The following PDE4D variants were observed in gnomAD, a reference collection of about 807,000 sequenced individuals.
PDE4D encodes the protein phosphodiesterase 4D.
Under a neutral mutation model 87.4 loss-of-function variants are expected in PDE4D, and 24 were observed. The ratio of observed to expected loss-of-function variants is 0.27; its 90% CI spans 0.20 to 0.39. The LOEUF (loss-of-function observed/expected upper bound fraction) is 0.39. Ranked by LOEUF, PDE4D falls within the 10% of genes least tolerant of loss-of-function variation. PDE4D has a pLI of 1.00. For missense variants in PDE4D, 714 were observed against 1,041.0 expected (o/e 0.69, Z 4.32); for synonymous variants, 384 against 383.2 (o/e 1.00, Z -0.02).
intron 5 of PDE4D, among the ~76,000 whole-genome samples, chr5:59,058,594 T>C (rs1040367352): frequency 3.6e-4 from 55 of 152,102 alleles, no homozygotes; most frequent in African/African-American, 1.3e-3. Context: ...ACACCCTACT[T>C]ATGAGAGGGT....
intron 1 of PDE4D, among the ~76,000 whole-genome samples, chr5:59,334,247 GTTTTTT>G (rs564248041): frequency 1.0e-5 from 1 of 98,636 alleles, no homozygotes; most frequent in Non-Finnish European, 1.9e-5. Context: ...ATCCAGTGGA[GTTTTTT>G]TTTTTTTTTT....
At chr5:59,330,756 G>C (rs1401095607) in intron 1 of PDE4D, among the ~76,000 whole-genome samples, 3 of 152,048 alleles carry the variant, frequency 2.0e-5, no homozygotes, top group Admixed American at 6.6e-5. Flanking sequence ...GAACAATTTG[G>C]TTATGTTGTT....
chr5:60,465,898 A>C (rs905426880), intron 1 of PDE4D, among the ~76,000 whole-genome samples: 1 of 152,104 alleles, frequency 6.6e-6, no homozygotes, highest in Non-Finnish European at 1.5e-5. Flanking sequence ...AAAAAAAAGA[A>C]AAGGAAGAGC....
intron 1 of PDE4D, among the ~76,000 whole-genome samples, chr5:59,455,258 T>C (rs2153643006): frequency 6.6e-6 from 1 of 152,324 alleles, no homozygotes; most frequent in Admixed American, 6.5e-5. Flanking sequence ...AATGGTTTCA[T>C]GGGTCAGGCC....
chr5:60,123,898 C>G (rs1200379826), intron 2 of PDE4D, among the ~76,000 whole-genome samples: 1 of 151,948 alleles, frequency 6.6e-6, no homozygotes, highest in Non-Finnish European at 1.5e-5. Flanking sequence ...TAAACAATTA[C>G]CCCACAACCA....
intron 1 of PDE4D, among the ~76,000 whole-genome samples, chr5:60,398,001 C>A (rs1267184867): frequency 6.6e-6 from 1 of 152,152 alleles, no homozygotes; most frequent in African/African-American, 2.4e-5. Context: ...CTGGAATGGA[C>A]AAGATTTCTC....
intron 5 of PDE4D, among the ~76,000 whole-genome samples, chr5:59,171,210 T>A (rs1393000667): frequency 2.0e-5 from 3 of 152,082 alleles, no homozygotes; most frequent in Non-Finnish European, 4.4e-5. Context: ...TTGTTCATCC[T>A]CAGTCTCTGC....
chr5:60,011,174 A>T (rs1464121768), intron 2 of PDE4D, among the ~76,000 whole-genome samples: 2 of 152,176 alleles, frequency 1.3e-5, no homozygotes, highest in Admixed American at 1.3e-4. Flanking sequence ...GTCATTTTTC[A>T]TAGAGAATTT....
chr5:59,884,759 T>C (rs1218097352), intron 1 of PDE4D, among the ~76,000 whole-genome samples: 3 of 152,042 alleles, frequency 2.0e-5, no homozygotes, highest in Non-Finnish European at 2.9e-5. Context: ...TTTCCTGATA[T>C]ATTGTTCACT....
intron 3 of PDE4D, among the ~76,000 whole-genome samples, chr5:59,966,016 G>T (rs1760002870): frequency 1.3e-5 from 2 of 152,142 alleles, no homozygotes; most frequent in Non-Finnish European, 2.9e-5. Flanking sequence ...TTCCCATCCA[G>T]GTAGCAAGGT....
chr5:60,162,032 C>A (rs1481959139), intron 2 of PDE4D, among the ~76,000 whole-genome samples: 1 of 152,124 alleles, frequency 6.6e-6, no homozygotes, highest in Admixed American at 6.5e-5. Flanking sequence ...TAACTAAATT[C>A]TTCCAATCTT....
At chr5:59,564,515 C>T (rs986418404) in intron 1 of PDE4D, among the ~76,000 whole-genome samples, 3 of 152,126 alleles carry the variant, frequency 2.0e-5, no homozygotes, top group East Asian at 1.9e-4. Context: ...AAGAGACACC[C>T]GGATGGGGAA....
At chr5:59,000,789 A>G (rs2153353141) in intron 6 of PDE4D, among the ~76,000 whole-genome samples, 1 of 152,226 alleles carries the variant, frequency 6.6e-6, no homozygotes, top group African/African-American at 2.4e-5. Flanking sequence ...CCCGGGTTCA[A>G]GCGATTCTCC....
At chr5:59,135,171 CTGA>C (rs1227019483) in intron 5 of PDE4D, among the ~76,000 whole-genome samples, 1 of 152,222 alleles carries the variant, frequency 6.6e-6, no homozygotes, top group African/African-American at 2.4e-5. Flanking sequence ...TGCCCTTACT[CTGA>C]AGGCTGGTGG....
chr5:59,171,548 G>A (rs1052702799), intron 5 of PDE4D, among the ~76,000 whole-genome samples: 2 of 151,960 alleles, frequency 1.3e-5, no homozygotes, highest in African/African-American at 4.8e-5. Flanking sequence ...TACCTCTGGA[G>A]CATCCTGTTC....
At chr5:59,361,250 T>C (rs1237922707) in intron 1 of PDE4D, among the ~76,000 whole-genome samples, 1 of 152,158 alleles carries the variant, frequency 6.6e-6, no homozygotes, top group Admixed American at 6.6e-5. Context: ...ATCTACTAAA[T>C]GACTGACAAG....
intron 2 of PDE4D, among the ~76,000 whole-genome samples, chr5:59,993,440 A>G (rs546796019): frequency 6.6e-6 from 1 of 152,340 alleles, no homozygotes; most frequent in Non-Finnish European, 1.5e-5. Flanking sequence ...ATGAAATACT[A>G]TGAGGCTGTT....
At chr5:60,461,237 A>G (rs1486683528) in intron 1 of PDE4D, among the ~76,000 whole-genome samples, 1 of 152,202 alleles carries the variant, frequency 6.6e-6, no homozygotes, top group African/African-American at 2.4e-5. Context: ...CAGGCCTCCC[A>G]GGAAATACAC....
intron 1 of PDE4D, among the ~76,000 whole-genome samples, chr5:59,220,098 G>A (rs746242534): frequency 6.6e-6 from 1 of 152,142 alleles, no homozygotes; most frequent in African/African-American, 2.4e-5. Context: ...GCAGAAGCTT[G>A]TTATAAAGAC....
Sources: gnomAD v4.1 joint callset for allele counts (sites outside exome capture counted in the v4.1 genomes callset) on GRCh38, gnomAD v4.1.1 for gene constraint, MANE v1.5 for transcripts, NCBI Gene and HGNC (gene_info 2026-07-23, HGNC 2026-07-21) for gene names.